Variants in AMDHD1 observed in about 807,000 individuals in gnomAD.
AMDHD1 encodes the protein amidohydrolase domain containing 1.
A neutral mutation model predicts 44.1 loss-of-function variants in AMDHD1; 45 were observed. That is an observed-to-expected ratio of 1.02 (90% CI 0.80 to 1.31). AMDHD1 has a LOEUF of 1.31. Ranked by LOEUF, AMDHD1 falls within the 50% of genes most tolerant of loss-of-function variation. The probability of loss-of-function intolerance (pLI) is 0.00; values close to 1 mark genes in which losing one functional copy is unlikely to be tolerated. For missense variants in AMDHD1, 586 were observed against 552.1 expected, an observed-to-expected ratio of 1.06 and a Z score of -0.61; for synonymous variants, 206 against 205.0, an observed-to-expected ratio of 1.00 and a Z score of -0.04.
chr12:95,964,309 C>T (rs1182246541), intron 6 of AMDHD1, among the ~76,000 whole-genome samples: 1 of 152,172 alleles, frequency 6.6e-6, no homozygotes, highest in Non-Finnish European at 1.5e-5. Flanking sequence ...GCAGGGCCCC[C>T]TGCTCTCCCC....
rs201621036 is a variant in AMDHD1, at chr12:95,962,390, C to T, written c.849C>T (p.His283=). The change falls in exon 6 of 9, where the codon CAC becomes CAT. Residue 283 remains histidine (H), a synonymous_variant. Transcript: ENST00000266736. ...AACTGGGAGCGCAGGCAATCAGCCACCTGGAAGAAGTGAGTGATGAAGGCA... is the reference window on the plus strand; with the variant it reads ...AACTGGGAGCGCAGGCAATCAGCCATCTGGAAGAAGTGAGTGATGAAGGCA... ...GAELGAQAIS[H]LEEVSDEGIV... 37 of 1,613,734 alleles carry T rather than the reference C, an allele frequency of 2.3e-5. No individual in the cohort carries two copies. In the East Asian group the frequency reaches 7.8e-4, roughly 34 times the overall value.
chr12:95,958,385 T>G (rs2080563290), intron 4 of AMDHD1, among the ~76,000 whole-genome samples: 1 of 152,176 alleles, frequency 6.6e-6, no homozygotes, highest in South Asian at 2.1e-4. Context: ...CAAAACTAGT[T>G]GTGTAGAAAA....
intron 6 of AMDHD1, among the ~76,000 whole-genome samples, chr12:95,964,751 C>T (rs10745742): frequency 0.48 from 72,358 of 151,684 alleles, 18,346 homozygotes; most frequent in African/African-American, 0.65. Context: ...ATTGCTTTAA[C>T]GAGCTTTTAG....
intron 1 of AMDHD1, among the ~76,000 whole-genome samples, chr12:95,945,619 G>C (rs895990795): frequency 6.6e-6 from 1 of 152,194 alleles, no homozygotes; most frequent in African/African-American, 2.4e-5. Flanking sequence ...TGCAGAACCT[G>C]TGTGTTCAAG....
chr12:95,954,979 A>T lies in AMDHD1; in HGVS notation c.309+4A>T. On this transcript the variant is annotated splice_donor_region_variant and intron_variant, in intron 3 of 8. Transcript: ENST00000266736. The stretch of plus-strand genomic sequence containing the variant: ...AGTTCACGAATTTGCAATGAAGGTA[A>T]CTGCAACAAATCATGGCAAATCAAA... 1 of 1,613,942 alleles carries T rather than the reference A, an allele frequency of 6.2e-7. No individual in the cohort carries two copies.
At chr12:95,962,296 C>A in intron 5 of AMDHD1, 59 bp from the exon 6 acceptor site, 4 of 1,569,032 alleles carry the variant, frequency 2.5e-6, no homozygotes, top group Non-Finnish European at 3.5e-6. Flanking sequence ...TTTAATGGAA[C>A]TTCATGGATT....
intron 6 of AMDHD1, among the ~76,000 whole-genome samples, chr12:95,965,322 C>G (rs1181756970): frequency 7.2e-6 from 1 of 138,890 alleles, no homozygotes. Context: ...AAAAAAAAAG[C>G]ATAGTGTAAC....
At position 95,964,928 on chromosome 12, in the gene AMDHD1, C is replaced by CAAAAA. The variant is rs60076877; in HGVS notation, c.939-739_939-735dup. The stretch of plus-strand genomic sequence containing the variant: ...AAAGGACCTACAGAGATGTTTGAGG[C>CAAAAA]AAAAAAAAAAAAAAAAAAAAAAAGA... On this transcript the variant is annotated intron_variant, in intron 6 of 8. Coordinates refer to ENST00000266736, the MANE Select transcript of AMDHD1 (RefSeq NM_152435.3). 4.2e-4 allele frequency among the ~76,000 whole-genome samples: 15 copies of CAAAAA among 35,828 alleles called. 3 individuals carry two copies. The highest frequency in any genetic ancestry group is 1.7e-3 in the East Asian group (2 of 1,148). 23.5% of individuals were successfully genotyped at this position (35,828 alleles called of 152,430 possible). A position where few individuals can be genotyped will look rare whatever the true frequency, so the allele number is the denominator to read the frequency against.
At chr12:95,964,358 G>T (rs532354703) in intron 6 of AMDHD1, among the ~76,000 whole-genome samples, 1 of 152,272 alleles carries the variant, frequency 6.6e-6, no homozygotes, top group African/African-American at 2.4e-5. Context: ...AATAACCATT[G>T]CCTTATGCTA....
intron 1 of AMDHD1, among the ~76,000 whole-genome samples, chr12:95,945,434 T>A (rs1347294587): frequency 6.6e-6 from 1 of 152,222 alleles, no homozygotes; most frequent in African/African-American, 2.4e-5. Flanking sequence ...CTATCATCAC[T>A]GTCTTATATA....
chr12:95,966,035 A>T (rs1185116885), intron 7 of AMDHD1, among the ~76,000 whole-genome samples: 1 of 152,220 alleles, frequency 6.6e-6, no homozygotes, highest in Non-Finnish European at 1.5e-5. Flanking sequence ...GTTTTACAGT[A>T]ACCCATTTCC....
At chr12:95,945,242 A>G (rs2080489994) in intron 1 of AMDHD1, among the ~76,000 whole-genome samples, 1 of 152,218 alleles carries the variant, frequency 6.6e-6, no homozygotes, top group African/African-American at 2.4e-5. Flanking sequence ...AAAGTAGGGA[A>G]AGGAAAAGGA....
chr12:95,954,252 T>C (rs1565977252), intron 2 of AMDHD1, among the ~76,000 whole-genome samples: 1 of 152,158 alleles, frequency 6.6e-6, no homozygotes, highest in Non-Finnish European at 1.5e-5. Flanking sequence ...TTTTGCCAAC[T>C]AGGGGGCTTG....
At chr12:95,951,390 T>C (rs529822560) in intron 1 of AMDHD1, among the ~76,000 whole-genome samples, 1 of 152,228 alleles carries the variant, frequency 6.6e-6, no homozygotes, top group African/African-American at 2.4e-5. Context: ...GTCCTCCAGT[T>C]CTATCCATGT....
At chr12:95,950,393 C>T (rs768198673) in intron 1 of AMDHD1, among the ~76,000 whole-genome samples, 2 of 152,190 alleles carry the variant, frequency 1.3e-5, no homozygotes, top group Non-Finnish European at 2.9e-5. Context: ...TAGGTTACCC[C>T]AACCACTTCT....
chr12:95,949,377 A>G (rs2080516827), intron 1 of AMDHD1, among the ~76,000 whole-genome samples: 1 of 152,228 alleles, frequency 6.6e-6, no homozygotes, highest in South Asian at 2.1e-4. Flanking sequence ...TGTTTTCATT[A>G]TAATTATACT....
At chr12:95,943,565 C>A in intron 1 of AMDHD1, 30 bp downstream of exon 1, 3 of 1,413,730 alleles carry the variant, frequency 2.1e-6, no homozygotes, top group Non-Finnish European at 1.8e-6. Flanking sequence ...GGGTGGGGAC[C>A]GCCACGGGCG....
chr12:95,956,720 C>A lies in AMDHD1; in HGVS notation c.345C>A (p.Ala115=), dbSNP rs762821619. 6.2e-7 allele frequency: 1 copy of A among 1,614,170 alleles called. No homozygotes were observed. Among genetic ancestry groups the A allele is most frequent in the Non-Finnish European group, 8.5e-7 (1 of 1,180,026 alleles). ...AGATYMEIHQ[A]GGGIHFTVER... The stretch of plus-strand genomic sequence containing the variant: ...CCACCTACATGGAAATTCACCAGGC[C>A]GGAGGAGGGATCCACTTTACCGTGG... The change falls in exon 4 of 9, where the codon GCC becomes GCA. Residue 115 remains alanine (A), a synonymous_variant. Transcript: ENST00000266736.
chr12:95,955,204 C>G (rs1303699225), intron 3 of AMDHD1, among the ~76,000 whole-genome samples: 3 of 152,222 alleles, frequency 2.0e-5, no homozygotes, highest in Non-Finnish European at 4.4e-5. Flanking sequence ...CCCTCTCTTT[C>G]CTTCCCCACA....
Sources: gnomAD v4.1 joint callset for allele counts (sites outside exome capture counted in the v4.1 genomes callset) on GRCh38, gnomAD v4.1.1 for gene constraint, MANE v1.5 for transcripts, NCBI Gene and HGNC (gene_info 2026-07-23, HGNC 2026-07-21) for gene names.